The following PABPC1L variants were observed in gnomAD, a reference collection of about 807,000 sequenced individuals.
PABPC1L encodes poly(A) binding protein cytoplasmic 1 like.
In PABPC1L, 31 loss-of-function variants were observed where a neutral mutation model predicts 66.6. That is an observed-to-expected ratio of 0.47 (90% CI 0.35 to 0.63). PABPC1L has a LOEUF of 0.63. Ranked by LOEUF, PABPC1L falls within the 20% of genes least tolerant of loss-of-function variation. The pLI is 0.00. For missense variants in PABPC1L, 722 were observed against 848.8 expected (o/e 0.85, Z 1.86); for synonymous variants, 348 against 335.1 (o/e 1.04, Z -0.42).
chr20:44,927,409 G>A (rs577470605), intron 7 of PABPC1L, among the ~76,000 whole-genome samples: 27 of 151,778 alleles, frequency 1.8e-4, no homozygotes, highest in Non-Finnish European at 3.1e-4. Context: ...GTGCAATGGT[G>A]CAATCTTAGC....
Position 44,935,394 on chromosome 20 carries a change from A to G in PABPC1L, c.1463A>G (p.Asn488Ser). The G allele has an allele frequency of 6.2e-7, 1 of 1,613,652 alleles. No individual in the cohort carries two copies. Among genetic ancestry groups the G allele is most frequent in the South Asian group, 1.1e-5 (1 of 91,034 alleles). ...TTTGTTTTGTTTTGTTTTGCAGCCA[A>G]CATTGGTACTCAGACCACAGGACCC... ...RTVPHTQRVA[N>S]IGTQTTGPSG... Residue 488 changes from asparagine to serine, a missense_variant, in exon 11 of 15, where the codon AAC (asparagine) becomes AGC (serine). By Grantham distance (46) the Asn-to-Ser change is conservative (BLOSUM62 1). This residue lies in a region of PABPC1L where 301 missense variants were observed against 337.2 expected (regional missense o/e 0.89). Transcript: ENST00000217073.
At chr20:44,924,361 G>C in intron 7 of PABPC1L, 105 bp downstream of exon 7, 1 of 887,934 alleles carries the variant, frequency 1.1e-6, no homozygotes, top group Non-Finnish European at 1.8e-6. Context: ...AGCCTTCAGG[G>C]GGTTGGTGCC....
chr20:44,938,012 G>A (rs2066914576), intron 12 of PABPC1L, 49 bp from the exon 13 acceptor site: 4 of 1,611,334 alleles, frequency 2.5e-6, no homozygotes, highest in Non-Finnish European at 2.5e-6. Flanking sequence ...CTGGGATGCT[G>A]GGGTGTGAGC....
intron 7 of PABPC1L, among the ~76,000 whole-genome samples, chr20:44,924,907 AT>A (rs1244100405): frequency 0.013 from 1,890 of 144,674 alleles, 67 homozygotes; most frequent in African/African-American, 0.04. Context: ...TGGGCTTTTT[AT>A]TTTTTTTTTT....
At chr20:44,930,009 A>G (rs2066838941) in intron 7 of PABPC1L, among the ~76,000 whole-genome samples, 1 of 152,138 alleles carries the variant, frequency 6.6e-6, no homozygotes. Flanking sequence ...CGTATGAACC[A>G]CAGGCTGAGT....
chr20:44,910,066 G>T lies in PABPC1L; in HGVS notation c.-78G>T. On this transcript the variant is annotated 5_prime_UTR_variant, in exon 1 of 15. Coordinates refer to ENST00000217073, the MANE Select transcript of PABPC1L (RefSeq NM_001372179.1). ...GGGCGGGCCCGCGCCCAGGAAGGAG[G>T]GCTTCCGCCCGGGTGAGCGCGGGGC... 1 of 1,295,374 alleles carries T rather than the reference G, an allele frequency of 7.7e-7. No individual in the cohort carries two copies. The highest frequency in any genetic ancestry group is 1.6e-5 in the African/African-American group (1 of 64,396). 80.2% of individuals were successfully genotyped at this position (1,295,374 alleles called of 1,614,324 possible).
chr20:44,936,089 C>T (rs7273070), intron 11 of PABPC1L, among the ~76,000 whole-genome samples: 6,784 of 151,940 alleles, frequency 0.045, 505 homozygotes, highest in African/African-American at 0.15. Flanking sequence ...CCTCCCACCT[C>T]AGCCTCCAAG....
At chr20:44,933,931 T>C (rs1205373244) in intron 10 of PABPC1L, among the ~76,000 whole-genome samples, 1 of 151,676 alleles carries the variant, frequency 6.6e-6, no homozygotes, top group Non-Finnish European at 1.5e-5. Context: ...TTTGTATTTT[T>C]AGTAGGGACA....
intron 5 of PABPC1L, 21 bp downstream of exon 5, chr20:44,919,298 CT>C (rs754886147): frequency 1.2e-6 from 2 of 1,612,966 alleles, no homozygotes; most frequent in Non-Finnish European, 1.7e-6. Context: ...CCCCATGGCT[CT>C]GTTCTGCAGC....
intron 5 of PABPC1L, among the ~76,000 whole-genome samples, chr20:44,919,481 T>G (rs989787778): frequency 3.3e-5 from 5 of 152,220 alleles, no homozygotes; most frequent in African/African-American, 1.2e-4. Context: ...AGCCCTGATG[T>G]CCGCAGAGCT....
chr20:44,915,344 G>A lies in PABPC1L; in HGVS notation c.388-1412G>A, dbSNP rs1405227734. Among the ~76,000 whole-genome samples the A allele has an allele frequency of 3.9e-5, 6 of 152,260 alleles. No individual in the cohort carries two copies. In the East Asian group the frequency reaches 1.2e-3, roughly 29 times the overall value. On this transcript the variant is annotated intron_variant, in intron 2 of 14. Transcript: ENST00000217073. The stretch of plus-strand genomic sequence containing the variant: ...GCCTGTAGCCACAGGGATGAGTGGA[G>A]CCACAGTCACCTTGAAGTGGGGGGT...
chr20:44,912,631 C>A, intron 1 of PABPC1L, 29 bp from the exon 2 acceptor site: 1 of 1,568,530 alleles, frequency 6.4e-7, no homozygotes, highest in Non-Finnish European at 8.7e-7. Flanking sequence ...CCTAAACTTG[C>A]TAATTTCTCT....
intron 10 of PABPC1L, among the ~76,000 whole-genome samples, chr20:44,935,120 C>T (rs192414071): frequency 1.9e-3 from 289 of 151,414 alleles, no homozygotes; most frequent in Non-Finnish European, 3.1e-3. Context: ...TCTTTGAAAC[C>T]CTGCTTTCAA....
intron 6 of PABPC1L, among the ~76,000 whole-genome samples, chr20:44,922,217 T>C (rs1426389236): frequency 6.6e-6 from 1 of 152,196 alleles, no homozygotes; most frequent in Non-Finnish European, 1.5e-5. Context: ...AAAACTTCAT[T>C]GGGAAGTGAA....
chr20:44,920,613 C>T lies in PABPC1L; in HGVS notation c.739-981C>T, dbSNP rs553456328. Among the ~76,000 whole-genome samples, 33 of 151,936 alleles carry T rather than the reference C, an allele frequency of 2.2e-4. No individual in the cohort carries two copies. In the East Asian group the frequency reaches 5.8e-3, roughly 27 times the overall value. ...CCTCCCGAGTAGCTGGGACTACAGG[C>T]GCCCGCCACCATGCCCGGCTAATTT... On this transcript the variant is annotated intron_variant, in intron 5 of 14. Coordinates refer to ENST00000217073, the MANE Select transcript of PABPC1L (RefSeq NM_001372179.1).
chr20:44,932,568 C>T, intron 9 of PABPC1L, 136 bp downstream of exon 9: 1 of 698,712 alleles, frequency 1.4e-6, no homozygotes, highest in Non-Finnish European at 2.4e-6. Flanking sequence ...CCTCAGTTTC[C>T]TCTTCTGAGC....
chr20:44,934,265 C>T (rs1306769609), intron 10 of PABPC1L, among the ~76,000 whole-genome samples: 1 of 152,228 alleles, frequency 6.6e-6, no homozygotes, highest in Non-Finnish European at 1.5e-5. Context: ...TACTCAGTCT[C>T]TGGCCTTAGG....
chr20:44,916,863 C>T lies in PABPC1L; in HGVS notation c.495C>T (p.Asp165=). 6.2e-7 allele frequency: 1 copy of T among 1,614,096 alleles called. No individual in the cohort carries two copies. The highest frequency in any genetic ancestry group is 8.5e-7 in the Non-Finnish European group (1 of 1,179,992). ...CCATGAATGGGATGCTGCTGAATGA[C>T]CGCAAAGTGTGAGTGGCTGGGCCCG... is the stretch of plus-strand genomic sequence containing the variant. ...INTMNGMLLN[D]RKVFVGHFKS... Residue 165 remains aspartate (D), a synonymous_variant, in exon 3 of 15, where the codon GAC becomes GAT. Transcript: ENST00000217073.
In PABPC1L at chr20:44,933,174, C is replaced by T; in HGVS notation, c.1448C>T (p.Thr483Ile). ...STQVPRTVPH[T>I]QRVANIGTQT... ...CAGGTGCCACGCACGGTGCCTCATA[C>T]CCAGAGAGTAGGTGAGTGTGGGTAG... Residue 483 changes from threonine (T) to isoleucine (I), a missense_variant, in exon 10 of 15, where the codon ACC becomes ATC. Physicochemically the swap from Thr to Ile is moderately conservative, Grantham distance 89. This residue lies in a region of PABPC1L where 301 missense variants were observed against 337.2 expected (regional missense o/e 0.89). Transcript: ENST00000217073. The T allele has an allele frequency of 6.2e-7, 1 of 1,606,366 alleles. No homozygotes were observed. Among genetic ancestry groups the T allele is most frequent in the Non-Finnish European group, 8.5e-7 (1 of 1,177,098 alleles).
Sources: gnomAD v4.1 joint callset for allele counts (sites outside exome capture counted in the v4.1 genomes callset) on GRCh38, gnomAD v4.1.1 for gene constraint, gnomAD v4.1.1 regional missense constraint, MANE v1.5 for transcripts, NCBI Gene and HGNC (gene_info 2026-07-23, HGNC 2026-07-21) for gene names.